The following NXPH4 variants were observed in gnomAD, a reference collection of about 807,000 sequenced individuals.
The protein encoded by NXPH4 is neurexophilin-4.
A neutral mutation model predicts 21.3 loss-of-function variants in NXPH4; 8 were observed. The observed-to-expected ratio is 0.38, with a 90% CI of 0.22 to 0.68. NXPH4 has a LOEUF of 0.68. Among genes scored for constraint, NXPH4 ranks in the 30% least tolerant of loss-of-function variants. The probability of loss-of-function intolerance (pLI) is 0.53; values close to 1 mark genes in which losing one functional copy is unlikely to be tolerated. For synonymous variants in NXPH4, 219 were observed against 192.6 expected (o/e 1.14, Z -1.13); for missense variants, 418 against 416.8 (o/e 1.00, Z -0.03).
At chr12:57,219,336 T>A (rs1165487232) in intron 1 of NXPH4, among the ~76,000 whole-genome samples, 2 of 152,204 alleles carry the variant, frequency 1.3e-5, no homozygotes, top group Non-Finnish European at 2.9e-5. Context: ...CCAGGGATTC[T>A]TGAGGATCTT....
Position 57,217,007 on chromosome 12 carries a change from G to T in NXPH4, c.38G>T (p.Gly13Val). The T allele has an allele frequency of 5.6e-6, 9 of 1,607,166 alleles. No homozygotes were observed. Among genetic ancestry groups the T allele is most frequent in the Non-Finnish European group, 7.6e-6 (9 of 1,177,288 alleles). Residue 13 changes from glycine (G) to valine (V), a missense_variant, in exon 1 of 2, where the codon GGC becomes GTC. Gly to Val is a moderately radical substitution (Grantham distance 109). Transcript: ENST00000349394. Reference protein sequence around the residue: ...LLPEWFLLLFGPWLLRKAVSA... With the variant: ...LLPEWFLLLFVPWLLRKAVSA... ...CCGGAATGGTTCCTCTTGCTCTTTG[G>T]CCCGTGGCTCCTTAGGAAGGTAAGA... is the stretch of plus-strand genomic sequence containing the variant.
rs752556009 is a variant in NXPH4 at position 57,225,574 on chromosome 12, G to C, written c.754G>C (p.Asp252His). 3 of 1,613,382 alleles carry C rather than the reference G, an allele frequency of 1.9e-6. No homozygotes were observed. The highest frequency in any genetic ancestry group is 2.5e-6 in the Non-Finnish European group (3 of 1,180,010). Residue 252 changes from aspartate (D) to histidine (H), a missense_variant, in exon 2 of 2, where the codon GAC (aspartate) becomes CAC (histidine). By Grantham distance (81) the Asp-to-His change is moderately conservative. Transcript: ENST00000349394. ...RARKHRPCLY[D>H]PSQVCFTEHT... ...GCGCAAGCACCGACCGTGCCTGTAC[G>C]ACCCGTCGCAGGTGTGCTTCACCGA...
At position 57,226,367 on chromosome 12, in the gene NXPH4, T is replaced by C. The variant is rs2037149910; in HGVS notation, c.*620T>C. On this transcript the variant is annotated 3_prime_UTR_variant, in exon 2 of 2. Coordinates refer to ENST00000349394, the MANE Select transcript of NXPH4 (RefSeq NM_007224.4). ...CCAGGCAGTCGAGCTCCACCTGCCC[T>C]CTCCTGCTGCTTCCTCTCGGTGATA... The C allele has an allele frequency of 7.6e-6, 1 of 130,728 alleles. No individual in the cohort carries two copies. The highest frequency in any genetic ancestry group is 3.9e-4 in the South Asian group (1 of 2,564). 8.1% of individuals were successfully genotyped at this position (130,728 alleles called of 1,614,324 possible). A position where few individuals can be genotyped will look rare whatever the true frequency, so the allele number is the denominator to read the frequency against.
Position 57,225,438 on chromosome 12 carries a change from C to T in NXPH4, c.618C>T (p.Gly206=). The T allele has an allele frequency of 6.2e-7, 1 of 1,603,318 alleles. No individual in the cohort carries two copies. Among genetic ancestry groups the T allele is most frequent in the East Asian group, 2.2e-5 (1 of 44,774 alleles). ...AAAAAGPGLG[G]SLGGALAGPL... is the part of the protein sequence containing the mutation. ...CAGCGGCGGGGCCCGGGCTTGGGGGCTCCCTCGGGGGCGCACTGGCGGGGC... is the reference window on the plus strand; with the variant it reads ...CAGCGGCGGGGCCCGGGCTTGGGGGTTCCCTCGGGGGCGCACTGGCGGGGC... The change falls in exon 2 of 2, where the codon GGC becomes GGT. Residue 206 remains glycine (G), a synonymous_variant. Transcript: ENST00000349394.
intron 1 of NXPH4, among the ~76,000 whole-genome samples, chr12:57,217,695 C>A (rs2037053894): frequency 6.6e-6 from 1 of 152,224 alleles, no homozygotes; most frequent in Non-Finnish European, 1.5e-5. Flanking sequence ...CAACCCCACT[C>A]CAAGGCCTCT....
chr12:57,221,643 G>A (rs536526870), intron 1 of NXPH4: 9 of 281,958 alleles, frequency 3.2e-5, no homozygotes, highest in Admixed American at 1.7e-4. Flanking sequence ...CCCAGCTGCC[G>A]CGCACCTCCG....
At chr12:57,219,391 G>A (rs541974464) in intron 1 of NXPH4, among the ~76,000 whole-genome samples, 32 of 152,170 alleles carry the variant, frequency 2.1e-4, no homozygotes, top group African/African-American at 6.5e-4. Flanking sequence ...CTGTCTCCCC[G>A]ACCCCTTGCC....
Position 57,225,598 on chromosome 12 carries a change from G to A in NXPH4, c.778G>A (p.Glu260Lys). Residue 260 changes from glutamate (E) to lysine (K), a missense_variant, in exon 2 of 2, where the codon GAG (glutamate) becomes AAG (lysine). By Grantham distance (56) the Glu-to-Lys change is moderately conservative. Coordinates refer to ENST00000349394, the MANE Select transcript of NXPH4 (RefSeq NM_007224.4). ...LYDPSQVCFT[E>K]HTQSQAAWLC... Reference sequence around the variant, plus strand: ...CGACCCGTCGCAGGTGTGCTTCACCGAGCACACGCAGAGCCAGGCCGCCTG... The same window carrying A: ...CGACCCGTCGCAGGTGTGCTTCACCAAGCACACGCAGAGCCAGGCCGCCTG... The A allele has an allele frequency of 6.2e-7, 1 of 1,613,504 alleles. No homozygotes were observed.
intron 1 of NXPH4, among the ~76,000 whole-genome samples, chr12:57,222,807 C>T (rs2037104183): frequency 6.6e-6 from 1 of 152,186 alleles, no homozygotes; most frequent in Non-Finnish European, 1.5e-5. Flanking sequence ...CCCCCGCCCC[C>T]TCACCTGGGC....
intron 1 of NXPH4, among the ~76,000 whole-genome samples, chr12:57,222,035 GGA>G (rs1359038992): frequency 1.3e-5 from 2 of 152,138 alleles, no homozygotes; most frequent in African/African-American, 2.4e-5. Context: ...CACAAGAGAG[GGA>G]GAGAGAGCAC....
chr12:57,217,049 G>A, intron 1 of NXPH4, 23 bp downstream of exon 1: 2 of 1,580,812 alleles, frequency 1.3e-6, no homozygotes, highest in Non-Finnish European at 1.7e-6. Flanking sequence ...GGGCTGGGGC[G>A]CTAGCGCGGG....
At chr12:57,222,137 C>T (rs989541863) in intron 1 of NXPH4, among the ~76,000 whole-genome samples, 5 of 152,162 alleles carry the variant, frequency 3.3e-5, no homozygotes, top group Non-Finnish European at 7.4e-5. Flanking sequence ...GACTCTCACC[C>T]CTCCCTGTCT....
rs7979061 is a variant in NXPH4 at position 57,225,426 on chromosome 12, C to A, written c.606C>A (p.Pro202=). ...PLGMAAAAAG[P]GLGGSLGGAL... ...GGATGGCAGCAGCAGCGGCGGGGCCCGGGCTTGGGGGCTCCCTCGGGGGCG... is the reference window on the plus strand; with the variant it reads ...GGATGGCAGCAGCAGCGGCGGGGCCAGGGCTTGGGGGCTCCCTCGGGGGCG... Residue 202 remains proline, a synonymous_variant, in exon 2 of 2, where the codon CCC becomes CCA. Coordinates refer to ENST00000349394, the MANE Select transcript of NXPH4 (RefSeq NM_007224.4). 3.1e-6 allele frequency: 5 copies of A among 1,603,168 alleles called. No individual in the cohort carries two copies. The South Asian group carries it at 3.3e-5, about 11-fold the overall frequency.
At chr12:57,220,203 C>A (rs952871658) in intron 1 of NXPH4, among the ~76,000 whole-genome samples, 1 of 152,136 alleles carries the variant, frequency 6.6e-6, no homozygotes, top group Non-Finnish European at 1.5e-5. Context: ...GGAGCGCTGC[C>A]TTGAGCGCTG....
At position 57,225,615 on chromosome 12, in the gene NXPH4, G is replaced by GGCCGCCTGGCTCTGTGCCAA; in HGVS notation, c.799_818dup (p.Phe274ProfsTer109). ...GCTTCACCGAGCACACGCAGAGCCA[G>GGCCGCCTGGCTCTGTGCCAA]GCCGCCTGGCTCTGTGCCAAGCCCT... On this transcript the variant is annotated frameshift_variant, in exon 2 of 2. Coordinates refer to ENST00000349394, the MANE Select transcript of NXPH4 (RefSeq NM_007224.4). LOFTEE classifies it high-confidence loss of function. The GGCCGCCTGGCTCTGTGCCAA allele has an allele frequency of 6.2e-7, 1 of 1,613,646 alleles. No individual in the cohort carries two copies. Among genetic ancestry groups the GGCCGCCTGGCTCTGTGCCAA allele is most frequent in the Non-Finnish European group, 8.5e-7 (1 of 1,180,010 alleles).
At chr12:57,219,990 C>T (rs11612037) in intron 1 of NXPH4, 5,038 of 152,542 alleles carry the variant, frequency 0.033, 133 homozygotes, top group Non-Finnish European at 0.051. Flanking sequence ...AGTGGGGGGA[C>T]CTCACAGGGG....
intron 1 of NXPH4, among the ~76,000 whole-genome samples, chr12:57,223,965 T>C (rs566728836): frequency 6.6e-6 from 1 of 152,326 alleles, no homozygotes; most frequent in Non-Finnish European, 1.5e-5. Flanking sequence ...AGTGGAGCAC[T>C]GGCGACTGGG....
chr12:57,223,805 C>T (rs1396891395), intron 1 of NXPH4, among the ~76,000 whole-genome samples: 4 of 152,262 alleles, frequency 2.6e-5, no homozygotes, highest in South Asian at 2.1e-4. Context: ...CTGGCCCGGC[C>T]GCTCCTGCCT....
At chr12:57,217,824 G>A (rs2037054821) in intron 1 of NXPH4, among the ~76,000 whole-genome samples, 1 of 152,256 alleles carries the variant, frequency 6.6e-6, no homozygotes. Context: ...GCTGGGTGGA[G>A]GGCGTGGGTC....
Sources: gnomAD v4.1 joint callset for allele counts (sites outside exome capture counted in the v4.1 genomes callset) on GRCh38, gnomAD v4.1.1 for gene constraint, MANE v1.5 for transcripts, NCBI Gene and HGNC (gene_info 2026-07-23, HGNC 2026-07-21) for gene names.